KBTBD3: variants seen among roughly 807,000 people sequenced by gnomAD.
KBTBD3 encodes the protein kelch repeat and BTB domain-containing protein 3.
A neutral mutation model predicts 49.6 loss-of-function variants in KBTBD3; 38 were observed. The observed-to-expected ratio is 0.77, with a 90% CI of 0.59 to 1.00. The LOEUF is 1.00. Ranked by LOEUF, KBTBD3 falls within the 50% of genes least tolerant of loss-of-function variation. The probability of loss-of-function intolerance (pLI) is 0.00; values close to 1 mark genes in which losing one functional copy is unlikely to be tolerated. For synonymous variants in KBTBD3, 214 were observed against 250.4 expected, an observed-to-expected ratio of 0.85 and a Z score of 1.37; for missense variants, 661 against 712.0, an observed-to-expected ratio of 0.93 and a Z score of 0.81.
chr11:106,071,394 G>C (rs1036790265), intron 2 of KBTBD3, among the ~76,000 whole-genome samples: 9 of 152,058 alleles, frequency 5.9e-5, no homozygotes, highest in South Asian at 4.1e-4. Context: ...ATGTAATTTA[G>C]ATCTTGTGTT....
chr11:106,057,759 T>A (rs1041594612), intron 3 of KBTBD3: 7 of 303,158 alleles, frequency 2.3e-5, no homozygotes, highest in Non-Finnish European at 4.2e-5. Flanking sequence ...TTTTCCCTAA[T>A]ATAAGGAGAG....
chr11:106,056,956 C>T (rs1008300229), intron 3 of KBTBD3, among the ~76,000 whole-genome samples: 1 of 151,854 alleles, frequency 6.6e-6, no homozygotes, highest in African/African-American at 2.4e-5. Flanking sequence ...CAGTAAGGGC[C>T]CCAGGGAAGT....
At chr11:106,061,627 A>G (rs563669328) in intron 2 of KBTBD3, among the ~76,000 whole-genome samples, 3 of 151,678 alleles carry the variant, frequency 2.0e-5, no homozygotes, top group Non-Finnish European at 4.4e-5. Context: ...ATAAGAAAGA[A>G]CTCTTTCTTT....
At chr11:106,073,897 AT>A (rs1860972303) in intron 2 of KBTBD3, among the ~76,000 whole-genome samples, 2 of 152,296 alleles carry the variant, frequency 1.3e-5, no homozygotes, top group African/African-American at 2.4e-5. Context: ...ACATGACATC[AT>A]TTTTTTAAAA....
intron 2 of KBTBD3, among the ~76,000 whole-genome samples, chr11:106,066,813 A>C (rs988521028): frequency 3.3e-5 from 5 of 151,956 alleles, no homozygotes; most frequent in African/African-American, 1.2e-4. Context: ...TAAGTACAAA[A>C]AAAACAAAAA....
chr11:106,061,385 A>T (rs1860692057), intron 2 of KBTBD3, among the ~76,000 whole-genome samples: 1 of 152,206 alleles, frequency 6.6e-6, no homozygotes, highest in Non-Finnish European at 1.5e-5. Flanking sequence ...CAGGTCCCTC[A>T]TTGCTCTAGC....
intron 3 of KBTBD3, among the ~76,000 whole-genome samples, chr11:106,058,388 A>T (rs529071391): frequency 6.6e-6 from 1 of 151,446 alleles, no homozygotes; most frequent in Admixed American, 6.6e-5. Flanking sequence ...CTAAAAAAAA[A>T]AAAAAATCAT....
At chr11:106,070,155 G>A (rs1055199388) in intron 2 of KBTBD3, among the ~76,000 whole-genome samples, 2 of 151,816 alleles carry the variant, frequency 1.3e-5, no homozygotes, top group African/African-American at 4.8e-5. Context: ...AACTTTTAGA[G>A]GCAAATACAG....
Position 106,053,618 on chromosome 11 carries a change from C to G in KBTBD3, c.1071G>C (p.Thr357=). The G allele has an allele frequency of 6.2e-7, 1 of 1,613,804 alleles. No homozygotes were observed. Among genetic ancestry groups the G allele is most frequent in the African/African-American group, 1.3e-5 (1 of 74,966 alleles). ...TGGCKGKCCR[T]VRLHIAESYH... ...ATGACTCGGCAATATGCAGTCGAAC[C>G]GTTCGACAACATTTCCCTTTGCAAC... Residue 357 remains threonine (T), a synonymous_variant, in exon 4 of 4, where the codon ACG becomes ACC. Coordinates refer to ENST00000531837, the MANE Select transcript of KBTBD3 (RefSeq NM_198439.3).
intron 2 of KBTBD3, among the ~76,000 whole-genome samples, chr11:106,064,646 T>C (rs1392480092): frequency 1.3e-5 from 2 of 152,184 alleles, no homozygotes; most frequent in Non-Finnish European, 2.9e-5. Flanking sequence ...AAACAGTCTA[T>C]ACTAGTTTGA....
intron 2 of KBTBD3, among the ~76,000 whole-genome samples, chr11:106,073,772 G>C (rs1221965816): frequency 6.6e-6 from 1 of 152,220 alleles, no homozygotes; most frequent in East Asian, 1.9e-4. Flanking sequence ...AAGAGGGTTA[G>C]GAGATAGGGC....
intron 3 of KBTBD3, chr11:106,058,647 G>C (rs1591534677): frequency 2.1e-6 from 1 of 478,192 alleles, no homozygotes; most frequent in Non-Finnish European, 3.6e-6. Flanking sequence ...TGGTCTTGAA[G>C]TCCTGACCTC....
chr11:106,072,223 A>G (rs1414568874), intron 2 of KBTBD3, among the ~76,000 whole-genome samples: 1 of 152,240 alleles, frequency 6.6e-6, no homozygotes. Context: ...GAATGATATT[A>G]TGAAAATAAA....
intron 1 of KBTBD3, among the ~76,000 whole-genome samples, chr11:106,077,016 CGGAG>C (rs1049012565): frequency 1.3e-5 from 2 of 152,080 alleles, no homozygotes; most frequent in East Asian, 1.9e-4. Flanking sequence ...GCTCGGCCTT[CGGAG>C]GGAGGGTTTC....
In KBTBD3 at chr11:106,053,389, A is replaced by G. The variant is rs771529739; in HGVS notation, c.1300T>C (p.Trp434Arg). The change falls in exon 4 of 4, where the codon TGG becomes CGG. Residue 434 changes from tryptophan to arginine, a missense_variant. Trp to Arg is a moderately radical substitution (Grantham distance 101). Transcript: ENST00000531837. ...CTGGGTAATGGGCTAACAGATATCC[A>G]TTCTTTGGAAAGAGGATTGTAAGAT... Reference protein sequence around the residue: ...VESYNPLSKEWISVSPLPRGI... With the variant: ...VESYNPLSKERISVSPLPRGI... 1 of 1,613,382 alleles carries G rather than the reference A, an allele frequency of 6.2e-7. No homozygotes were observed. Among genetic ancestry groups the G allele is most frequent in the East Asian group, 2.2e-5 (1 of 44,866 alleles).
intron 2 of KBTBD3, among the ~76,000 whole-genome samples, chr11:106,069,108 T>C (rs1237726868): frequency 1.3e-5 from 2 of 152,106 alleles, no homozygotes; most frequent in Non-Finnish European, 2.9e-5. Flanking sequence ...AACATTATGC[T>C]AAATTATGGA....
chr11:106,073,170 T>C (rs1037980426), intron 2 of KBTBD3, among the ~76,000 whole-genome samples: 6 of 151,756 alleles, frequency 4.0e-5, no homozygotes, highest in African/African-American at 1.5e-4. Flanking sequence ...CACAGCTCAC[T>C]GAAGCCTCAA....
chr11:106,058,984 G>C lies in KBTBD3; in HGVS notation c.114C>G (p.Ile38Met), dbSNP rs11541030. The C allele has an allele frequency of 2.6e-6, 4 of 1,551,402 alleles. No individual in the cohort carries two copies. The highest frequency in any genetic ancestry group is 2.5e-5 in the South Asian group (2 of 80,146). ...FLVSEDHGQK[I>M]LSVLQNFREQ... Reference sequence around the variant, plus strand: ...CTCTAAAATTCTGTAGTACACTTAAGATTTTTTGTCCATGATCTTCTGATA... The same window carrying C: ...CTCTAAAATTCTGTAGTACACTTAACATTTTTTGTCCATGATCTTCTGATA... The change falls in exon 3 of 4, where the codon ATC becomes ATG. Residue 38 changes from isoleucine (I) to methionine (M), a missense_variant. Physicochemically the swap from Ile to Met is conservative, Grantham distance 10. Transcript: ENST00000531837.
intron 3 of KBTBD3, among the ~76,000 whole-genome samples, chr11:106,056,651 C>G (rs1860557922): frequency 6.6e-6 from 1 of 152,126 alleles, no homozygotes; most frequent in South Asian, 2.1e-4. Context: ...TATAATAATT[C>G]TATGAGTTAA....
Sources: allele counts gnomAD v4.1 joint callset (sites outside exome capture counted in the v4.1 genomes callset), GRCh38; gene constraint gnomAD v4.1.1; transcripts MANE v1.5; gene names NCBI Gene and HGNC (gene_info 2026-07-23, HGNC 2026-07-21).